The following CCDC12 variants were observed in gnomAD, a reference collection of about 807,000 sequenced individuals.
CCDC12 encodes the protein coiled-coil domain-containing protein 12.
In CCDC12, 28 loss-of-function variants were observed where a neutral mutation model predicts 25.7. The ratio of observed to expected loss-of-function variants is 1.09; its 90% CI spans 0.81 to 1.50. The LOEUF (loss-of-function observed/expected upper bound fraction) is 1.50. Ranked by LOEUF, CCDC12 falls within the 40% of genes most tolerant of loss-of-function variation. CCDC12 has a pLI of 0.00. For synonymous variants in CCDC12, 75 were observed against 87.7 expected, an observed-to-expected ratio of 0.86 and a Z score of 0.81; for missense variants, 198 against 210.0, an observed-to-expected ratio of 0.94 and a Z score of 0.35.
chr3:46,976,824 G>A (rs900555313), upstream of CCDC12: 22 of 1,533,636 alleles, frequency 1.4e-5, no homozygotes, highest in Non-Finnish European at 1.8e-5. Flanking sequence ...CCAAGGACGA[G>A]AATGAGAGAC....
At chr3:46,935,869 T>A (rs2033422379) in intron 2 of CCDC12, among the ~76,000 whole-genome samples, 1 of 152,220 alleles carries the variant, frequency 6.6e-6, no homozygotes, top group African/African-American at 2.4e-5. Context: ...TAAAAAGGAA[T>A]CTGGATCTAT....
upstream of CCDC12, among the ~76,000 whole-genome samples, chr3:46,981,675 A>G (rs1040654681): frequency 7.2e-5 from 11 of 152,072 alleles, no homozygotes; most frequent in Non-Finnish European, 1.2e-4. Flanking sequence ...CCCCATAGCT[A>G]TGGGCAGGCT....
Position 46,922,001 on chromosome 3 carries a change from C to T in CCDC12, c.*56G>A. 6.3e-7 allele frequency: 1 copy of T among 1,594,476 alleles called. No homozygotes were observed. Among genetic ancestry groups the T allele is most frequent in the South Asian group, 1.1e-5 (1 of 90,210 alleles). ...GGCAAGCCTAGCCCCCATCCCTGCC[C>T]AAGACCATCCTCTGCAGGACAGGCC... On this transcript the variant is annotated 3_prime_UTR_variant, in exon 7 of 7. Transcript: ENST00000683445.
intron 1 of CCDC12, among the ~76,000 whole-genome samples, chr3:46,950,542 C>G: frequency 6.6e-6 from 1 of 151,074 alleles, no homozygotes; most frequent in East Asian, 1.9e-4. Context: ...TGGTTTCGAG[C>G]TCCTGGGCTC....
chr3:46,949,712 C>A (rs2034039401), intron 1 of CCDC12, among the ~76,000 whole-genome samples: 1 of 152,184 alleles, frequency 6.6e-6, no homozygotes, highest in African/African-American at 2.4e-5. Flanking sequence ...GGTACAGGGT[C>A]CCGCATGACC....
chr3:46,963,997 A>G (rs1423721760), intron 1 of CCDC12, among the ~76,000 whole-genome samples: 23 of 142,200 alleles, frequency 1.6e-4, no homozygotes, highest in African/African-American at 5.0e-4. Flanking sequence ...CCGCCATCCC[A>G]TCTAGGAAGT....
chr3:46,980,635 C>T (rs1237545094), upstream of CCDC12, among the ~76,000 whole-genome samples: 3 of 152,210 alleles, frequency 2.0e-5, no homozygotes, highest in South Asian at 2.1e-4. Context: ...GAGGGAGGCC[C>T]GTTCCTCCTG....
intron 2 of CCDC12, among the ~76,000 whole-genome samples, chr3:46,931,832 G>C (rs1287476976): frequency 6.6e-6 from 1 of 152,244 alleles, no homozygotes; most frequent in Non-Finnish European, 1.5e-5. Context: ...TGACCAGAGA[G>C]ACTGGCAACT....
upstream of CCDC12, chr3:46,976,908 G>T (rs553244572): frequency 1.6e-5 from 14 of 863,304 alleles, no homozygotes; most frequent in South Asian, 1.1e-4. Flanking sequence ...GCCCCGCCCC[G>T]CCCCGCCCTT....
chr3:46,977,010 T>TTTATCTTTCACTGATAGAG, upstream of CCDC12: 5 of 515,010 alleles, frequency 9.7e-6, no homozygotes, highest in Non-Finnish European at 1.4e-5. Flanking sequence ...CCAACGCTGA[T>TTTATCTTTCACTGATAGAG]CAGTGAAAGA....
chr3:46,951,798 A>AAATATATATATATATATAT, intron 1 of CCDC12, among the ~76,000 whole-genome samples: 1 of 8,476 alleles, frequency 1.2e-4, no homozygotes, highest in African/African-American at 2.5e-4. Context: ...AAAAAAAAAA[A>AAATATATATATATATATAT]ATATATATAT....
At chr3:46,941,086 C>A (rs2033682693) in intron 1 of CCDC12, 21 bp from the exon 2 acceptor site, 5 of 1,613,300 alleles carry the variant, frequency 3.1e-6, no homozygotes, top group Middle Eastern at 1.6e-4. Flanking sequence ...AGGGAGAAAA[C>A]CACCAGCTCA....
intron 1 of CCDC12, among the ~76,000 whole-genome samples, chr3:46,964,646 C>G (rs1575562138): frequency 6.6e-6 from 1 of 152,288 alleles, no homozygotes; most frequent in East Asian, 1.9e-4. Flanking sequence ...TGATCTATGA[C>G]CTTACCCCCA....
chr3:46,976,187 ACTG>A (rs2034981250), intron 1 of CCDC12: 1 of 424,484 alleles, frequency 2.4e-6, no homozygotes, highest in Non-Finnish European at 3.2e-6. Flanking sequence ...CTGTATACCC[ACTG>A]CTGTCACTTG....
intron 1 of CCDC12, among the ~76,000 whole-genome samples, chr3:46,968,192 G>C (rs552509660): frequency 6.6e-6 from 1 of 152,182 alleles, no homozygotes; most frequent in African/African-American, 2.4e-5. Flanking sequence ...GAAAAGCTGA[G>C]TCCTTAGGAA....
chr3:46,937,368 C>T (rs2033488330), intron 2 of CCDC12, among the ~76,000 whole-genome samples: 1 of 152,208 alleles, frequency 6.6e-6, no homozygotes, highest in African/African-American at 2.4e-5. Flanking sequence ...GTTGAAAGCA[C>T]CCCTGAGTGG....
upstream of CCDC12, among the ~76,000 whole-genome samples, chr3:46,977,751 G>C (rs1014166644): frequency 6.6e-6 from 1 of 152,120 alleles, no homozygotes; most frequent in African/African-American, 2.4e-5. Context: ...TACCTTTCCC[G>C]GGGAAGAGCA....
At chr3:46,936,829 C>T (rs967886041) in intron 2 of CCDC12, among the ~76,000 whole-genome samples, 1 of 152,166 alleles carries the variant, frequency 6.6e-6, no homozygotes, top group Non-Finnish European at 1.5e-5. Context: ...GCAGATGGAC[C>T]CTGCTCTCTG....
At chr3:46,934,784 A>T (rs2033376632) in intron 2 of CCDC12, among the ~76,000 whole-genome samples, 1 of 151,826 alleles carries the variant, frequency 6.6e-6, no homozygotes, top group African/African-American at 2.4e-5. Context: ...CTGCTTCAGC[A>T]GGAGATCTCC....
Sources: allele counts gnomAD v4.1 joint callset (sites outside exome capture counted in the v4.1 genomes callset), GRCh38; gene constraint gnomAD v4.1.1; transcripts MANE v1.5; gene names NCBI Gene and HGNC (gene_info 2026-07-23, HGNC 2026-07-21).